The following RNF13 variants were observed in gnomAD, a reference collection of about 807,000 sequenced individuals.
The protein encoded by RNF13 is ring finger protein 13, also known as E3 ubiquitin-protein ligase RNF13.
RNF13 carries 19 observed loss-of-function variants against 37.7 expected under a neutral mutation model. The observed-to-expected ratio is 0.50, with a 90% confidence interval of 0.35 to 0.74. The LOEUF (loss-of-function observed/expected upper bound fraction) is 0.74, where lower values mean the gene tolerates loss of function less well. Among genes scored for constraint, RNF13 ranks in the 30% least tolerant of loss-of-function variants. The probability of loss-of-function intolerance (pLI) is 0.01; values close to 1 mark genes in which losing one functional copy is unlikely to be tolerated. For synonymous variants in RNF13, 144 were observed against 157.8 expected (o/e 0.91, Z 0.65); for missense variants, 375 against 453.0 (o/e 0.83, Z 1.56).
chr3:149,960,953 A>T lies in RNF13; in HGVS notation c.995A>T (p.His332Leu), dbSNP rs749935332. Residue 332 changes from histidine (H) to leucine (L), a missense_variant, in exon 10 of 10, where the codon CAT becomes CTT. Transcript: ENST00000392894. Reference sequence around the variant, plus strand: ...GGGGCTTTATCGGAATCCCGCTCACATCAGAACATGACAGAATCTTCAGAC... The same window carrying T: ...GGGGCTTTATCGGAATCCCGCTCACTTCAGAACATGACAGAATCTTCAGAC... ...SFGALSESRS[H>L]QNMTESSDYE... is the part of the protein sequence containing the mutation. 6.8e-6 allele frequency: 11 copies of T among 1,614,242 alleles called. No individual in the cohort carries two copies. The highest frequency in any genetic ancestry group is 8.5e-6 in the Non-Finnish European group (10 of 1,180,036).
At chr3:149,825,428 T>G (rs2108323030) in intron 1 of RNF13, among the ~76,000 whole-genome samples, 1 of 152,252 alleles carries the variant, frequency 6.6e-6, no homozygotes, top group Middle Eastern at 3.4e-3. Context: ...CCTCCCGGAG[T>G]GTTGGGATTA....
intron 6 of RNF13, among the ~76,000 whole-genome samples, chr3:149,909,890 A>G (rs927058769): frequency 6.6e-6 from 1 of 151,900 alleles, no homozygotes; most frequent in African/African-American, 2.4e-5. Context: ...CTCATAGGAC[A>G]GGATTTATTT....
In RNF13 at chr3:149,947,080, T is replaced by G. The variant is rs547999486; in HGVS notation, c.701-12976T>G. Among the ~76,000 whole-genome samples, 335 of 150,502 alleles carry G rather than the reference T, an allele frequency of 2.2e-3. 1 individual carries two copies. The highest frequency in any genetic ancestry group is 3.6e-3 in the South Asian group (17 of 4,782). On this transcript the variant is annotated intron_variant, in intron 8 of 9. Transcript: ENST00000392894. ...CATTTGTGGATTTGCCTGTTTTTTGTTTTTTTTGCTATTGATTTGTAGTTT... is the reference window on the plus strand; with the variant it reads ...CATTTGTGGATTTGCCTGTTTTTTGGTTTTTTTGCTATTGATTTGTAGTTT...
At chr3:149,830,695 C>T (rs1720939290) in intron 1 of RNF13, among the ~76,000 whole-genome samples, 1 of 150,210 alleles carries the variant, frequency 6.7e-6, no homozygotes, top group Non-Finnish European at 1.5e-5. Context: ...TCTGAGGAGA[C>T]ATTCAAGCCA....
chr3:149,904,012 CTATT>C (rs1716140281), intron 6 of RNF13, among the ~76,000 whole-genome samples: 1 of 152,132 alleles, frequency 6.6e-6, no homozygotes, highest in East Asian at 1.9e-4. Context: ...TATCATCTAT[CTATT>C]TATCTGTCTG....
At chr3:149,953,433 A>G (rs1416125228) in intron 8 of RNF13, among the ~76,000 whole-genome samples, 1 of 152,236 alleles carries the variant, frequency 6.6e-6, no homozygotes, top group Non-Finnish European at 1.5e-5. Flanking sequence ...AAATGTTTAT[A>G]AAAATATGAA....
At chr3:149,845,788 T>TTGTCA in intron 1 of RNF13, 2 of 376,200 alleles carry the variant, frequency 5.3e-6, no homozygotes, top group Non-Finnish European at 4.8e-6. Context: ...AAACAGAACT[T>TTGTCA]TGTCATCATG....
At chr3:149,960,218 A>AT in intron 9 of RNF13, 82 bp downstream of exon 9, 1 of 955,682 alleles carries the variant, frequency 1.0e-6, no homozygotes. Flanking sequence ...GAGATGGAAA[A>AT]TAGTTATTAG....
chr3:149,904,885 A>G (rs1044373776), intron 6 of RNF13, among the ~76,000 whole-genome samples: 3 of 152,106 alleles, frequency 2.0e-5, no homozygotes. Context: ...AATATTCCCC[A>G]TCCTGCTTTT....
intron 9 of RNF13, among the ~76,000 whole-genome samples, chr3:149,960,464 G>A (rs1195877897): frequency 6.6e-5 from 10 of 151,890 alleles, no homozygotes; most frequent in African/African-American, 1.5e-4. Flanking sequence ...GGTGGCGGGC[G>A]CCTGTAGTCC....
intron 5 of RNF13, among the ~76,000 whole-genome samples, chr3:149,899,396 C>T (rs1715589470): frequency 6.6e-6 from 1 of 152,142 alleles, no homozygotes; most frequent in Non-Finnish European, 1.5e-5. Context: ...GTGCAGTGAG[C>T]CGAGATCGTG....
rs1722336438 is a variant in RNF13 at position 149,960,882 on chromosome 3, T to C, written c.924T>C (p.His308=). The C allele has an allele frequency of 6.2e-7, 1 of 1,614,186 alleles. No homozygotes were observed. The part of the protein sequence containing the change: ...SSQEENEVTE[H]TPLLRPLASV... Reference sequence around the variant, plus strand: ...AAGAAGAAAATGAAGTGACAGAACATACCCCTTTACTGAGACCTTTAGCTT... The same window carrying C: ...AAGAAGAAAATGAAGTGACAGAACACACCCCTTTACTGAGACCTTTAGCTT... The change falls in exon 10 of 10, where the codon CAT becomes CAC. Residue 308 remains histidine (H), a synonymous_variant. Coordinates refer to ENST00000392894, the MANE Select transcript of RNF13 (RefSeq NM_183381.3).
intron 8 of RNF13, 35 bp from the exon 9 acceptor site, chr3:149,960,021 G>C: frequency 1.4e-6 from 2 of 1,468,308 alleles, no homozygotes; most frequent in Non-Finnish European, 9.5e-7. Context: ...TTTGAAAGGT[G>C]AAAAAATAGT....
chr3:149,931,419 T>C (rs1719149993), intron 8 of RNF13, among the ~76,000 whole-genome samples: 1 of 152,180 alleles, frequency 6.6e-6, no homozygotes, highest in Non-Finnish European at 1.5e-5. Context: ...TTTTTTCTGC[T>C]ACTTTGAATT....
chr3:149,886,290 A>G (rs1559929555), intron 4 of RNF13, among the ~76,000 whole-genome samples: 1 of 152,204 alleles, frequency 6.6e-6, no homozygotes, highest in East Asian at 1.9e-4. Flanking sequence ...TTTGATAGAC[A>G]TTGCATTGAA....
At chr3:149,935,029 C>G (rs1472640316) in intron 8 of RNF13, among the ~76,000 whole-genome samples, 3 of 152,138 alleles carry the variant, frequency 2.0e-5, no homozygotes, top group African/African-American at 7.2e-5. Flanking sequence ...GTTTTTTCTC[C>G]TAACGTGATC....
At chr3:149,860,758 G>A (rs1327792253) in intron 3 of RNF13, among the ~76,000 whole-genome samples, 1 of 152,080 alleles carries the variant, frequency 6.6e-6, no homozygotes, top group Non-Finnish European at 1.5e-5. Flanking sequence ...AAGAAAAATA[G>A]ACAAATGATG....
chr3:149,904,213 A>G (rs1376898822), intron 6 of RNF13, among the ~76,000 whole-genome samples: 3 of 152,150 alleles, frequency 2.0e-5, no homozygotes, highest in Non-Finnish European at 2.9e-5. Context: ...TTATTTTTCT[A>G]TGCTGAAAGA....
At chr3:149,921,080 C>T in intron 7 of RNF13, 54 bp from the exon 8 acceptor site, 1 of 660,926 alleles carries the variant, frequency 1.5e-6, no homozygotes, top group Admixed American at 3.1e-5. Flanking sequence ...TTAATGGTCA[C>T]TTTCTCTTTG....
Sources: gnomAD v4.1 joint callset for allele counts (sites outside exome capture counted in the v4.1 genomes callset) on GRCh38, gnomAD v4.1.1 for gene constraint, MANE v1.5 for transcripts, NCBI Gene and HGNC (gene_info 2026-07-23, HGNC 2026-07-21) for gene names.